The following RBFOX1 variants were observed in gnomAD, a reference collection of about 807,000 sequenced individuals.
RBFOX1 encodes the protein RNA binding fox-1 homolog 1.
In RBFOX1, 8 loss-of-function variants were observed where a neutral mutation model predicts 57.7. The observed-to-expected ratio is 0.14, with a 90% CI of 0.08 to 0.25. The LOEUF is 0.25. Among genes scored for constraint, RBFOX1 ranks in the 10% least tolerant of loss-of-function variants. The pLI is 1.00. For missense variants in RBFOX1, 611 were observed against 548.5 expected, an observed-to-expected ratio of 1.11 and a Z score of -1.14; for synonymous variants, 326 against 222.4, an observed-to-expected ratio of 1.47 and a Z score of -4.15.
intron 3 of RBFOX1, among the ~76,000 whole-genome samples, chr16:6,864,030 C>A (rs115126562): frequency 6.9e-6 from 1 of 145,584 alleles, no homozygotes; most frequent in African/African-American, 2.5e-5. Context: ...TGCAAAACCT[C>A]TAATTAACCT....
intron 2 of RBFOX1, among the ~76,000 whole-genome samples, chr16:6,435,440 A>G (rs1053172197): frequency 6.6e-6 from 1 of 152,088 alleles, no homozygotes; most frequent in African/African-American, 2.4e-5. Flanking sequence ...AGCTGGGACT[A>G]TAGGCATGCC....
At chr16:6,277,111 CGGAG>C (rs2075882279) in intron 1 of RBFOX1, among the ~76,000 whole-genome samples, 1 of 152,006 alleles carries the variant, frequency 6.6e-6, no homozygotes, top group Non-Finnish European at 1.5e-5. Flanking sequence ...ACACAATTGC[CGGAG>C]GTTCAGAAAA....
intron 4 of RBFOX1, among the ~76,000 whole-genome samples, chr16:7,505,393 T>G (rs2072936906): frequency 6.6e-6 from 1 of 152,130 alleles, no homozygotes; most frequent in African/African-American, 2.4e-5. Flanking sequence ...CCTGGAAAAG[T>G]GAGAAACTCC....
intron 10 of RBFOX1, among the ~76,000 whole-genome samples, chr16:7,615,328 A>G (rs1048590603): frequency 8.4e-6 from 1 of 118,792 alleles, no homozygotes; most frequent in African/African-American, 4.3e-5. Flanking sequence ...GCAAGACTCC[A>G]TCTCAAAATA....
chr16:6,245,121 A>G (rs1018690474), intron 1 of RBFOX1, among the ~76,000 whole-genome samples: 3 of 152,142 alleles, frequency 2.0e-5, no homozygotes, highest in African/African-American at 7.2e-5. Flanking sequence ...CATAGTAGAA[A>G]CTGATAGGTG....
At chr16:7,132,843 C>T (rs569202154) in intron 4 of RBFOX1, among the ~76,000 whole-genome samples, 1 of 152,188 alleles carries the variant, frequency 6.6e-6, no homozygotes, top group South Asian at 2.1e-4. Context: ...TCAGTAACTG[C>T]CATAAAGCAA....
intron 5 of RBFOX1, among the ~76,000 whole-genome samples, chr16:7,523,131 AT>A (rs1395567377): frequency 6.6e-6 from 1 of 152,188 alleles, no homozygotes; most frequent in Non-Finnish European, 1.5e-5. Flanking sequence ...CAGTATCATT[AT>A]TTTTAGATTC....
intron 4 of RBFOX1, chr16:7,126,454 CA>C: frequency 4.4e-6 from 1 of 229,052 alleles, no homozygotes; most frequent in Non-Finnish European, 9.1e-6. Context: ...TTGGGAAGCA[CA>C]AAGGCATCGA....
At chr16:6,882,476 C>T (rs557718774) in intron 3 of RBFOX1, among the ~76,000 whole-genome samples, 1 of 152,186 alleles carries the variant, frequency 6.6e-6, no homozygotes, top group East Asian at 1.9e-4. Flanking sequence ...TGCTTGTAAT[C>T]CCAGCTACTC....
chr16:7,096,454 G>T (rs904382916), intron 4 of RBFOX1, among the ~76,000 whole-genome samples: 3 of 152,178 alleles, frequency 2.0e-5, no homozygotes, highest in African/African-American at 7.2e-5. Flanking sequence ...ACTGTTAACA[G>T]CAGCCCTGGT....
intron 4 of RBFOX1, among the ~76,000 whole-genome samples, chr16:7,410,773 C>G (rs2098416723): frequency 6.6e-6 from 1 of 152,046 alleles, no homozygotes; most frequent in Non-Finnish European, 1.5e-5. Flanking sequence ...GACTGATGCT[C>G]CTAATTCCCA....
intron 1 of RBFOX1, among the ~76,000 whole-genome samples, chr16:6,182,687 G>T (rs1426694084): frequency 2.0e-5 from 3 of 152,110 alleles, no homozygotes; most frequent in Admixed American, 1.3e-4. Context: ...TGCAACAAAT[G>T]CTGATTAAAT....
intron 1 of RBFOX1, among the ~76,000 whole-genome samples, chr16:5,429,757 G>C (rs2067673239): frequency 6.6e-6 from 1 of 152,182 alleles, no homozygotes; most frequent in Non-Finnish European, 1.5e-5. Context: ...CAATAAGCCA[G>C]TGGCAGTGTT....
At chr16:7,706,169 G>T (rs796144090) in intron 14 of RBFOX1, among the ~76,000 whole-genome samples, 102 of 152,310 alleles carry the variant, frequency 6.7e-4, no homozygotes, top group African/African-American at 2.4e-3. Flanking sequence ...AAATTGTAGT[G>T]TCACACAAGG....
At chr16:5,456,762 G>C (rs905583840) in intron 1 of RBFOX1, among the ~76,000 whole-genome samples, 3 of 152,134 alleles carry the variant, frequency 2.0e-5, no homozygotes, top group Admixed American at 1.3e-4. Context: ...CCTGTGAAGG[G>C]CAGCCCTGGT....
chr16:7,356,117 A>G (rs1312003180), intron 4 of RBFOX1, among the ~76,000 whole-genome samples: 1 of 152,180 alleles, frequency 6.6e-6, no homozygotes, highest in African/African-American at 2.4e-5. Context: ...GTCATCACTT[A>G]TAAGGTCAGT....
At chr16:5,775,746 C>G (rs571303428) in intron 3 of RBFOX1, among the ~76,000 whole-genome samples, 1 of 152,342 alleles carries the variant, frequency 6.6e-6, no homozygotes, top group Non-Finnish European at 1.5e-5. Flanking sequence ...GCATGGAATG[C>G]TGCAATGTCC....
intron 14 of RBFOX1, among the ~76,000 whole-genome samples, chr16:7,689,479 G>T (rs760184228): frequency 6.6e-6 from 1 of 152,114 alleles, no homozygotes; most frequent in Non-Finnish European, 1.5e-5. Flanking sequence ...TGCCTGTGGA[G>T]CTGATCAACA....
chr16:6,993,063 C>A (rs1281801619), intron 3 of RBFOX1, among the ~76,000 whole-genome samples: 1 of 152,204 alleles, frequency 6.6e-6, no homozygotes. Context: ...CTGGTCCTCA[C>A]AGTCATTCCC....
Sources: gnomAD v4.1 joint callset for allele counts (sites outside exome capture counted in the v4.1 genomes callset) on GRCh38, gnomAD v4.1.1 for gene constraint, MANE v1.5 for transcripts, NCBI Gene and HGNC (gene_info 2026-07-23, HGNC 2026-07-21) for gene names.